The following NELL2 variants were observed in gnomAD, a reference collection of about 807,000 sequenced individuals.
NELL2 encodes the protein protein kinase C-binding protein NELL2.
NELL2 carries 41 observed loss-of-function variants against 109.6 expected under a neutral mutation model. That is an observed-to-expected ratio of 0.37 (90% CI 0.29 to 0.49). The LOEUF is 0.49. Ranked by LOEUF, NELL2 falls within the 20% of genes least tolerant of loss-of-function variation. NELL2 has a pLI of 0.98. For synonymous variants in NELL2, 355 were observed against 344.7 expected, an observed-to-expected ratio of 1.03 and a Z score of -0.33; for missense variants, 900 against 1,008.3, an observed-to-expected ratio of 0.89 and a Z score of 1.45.
intron 15 of NELL2, among the ~76,000 whole-genome samples, chr12:44,558,159 A>C (rs896200534): frequency 2.0e-5 from 3 of 152,210 alleles, no homozygotes; most frequent in African/African-American, 4.8e-5. Flanking sequence ...ATGAAACTTG[A>C]ATATGTTTAC....
chr12:44,779,310 T>A (rs1941867948), intron 5 of NELL2, among the ~76,000 whole-genome samples: 1 of 152,196 alleles, frequency 6.6e-6, no homozygotes, highest in Non-Finnish European at 1.5e-5. Flanking sequence ...GCTATTAACA[T>A]CTTTGTAAAA....
chr12:44,529,775 A>G (rs1447095500), intron 16 of NELL2, among the ~76,000 whole-genome samples: 2 of 152,192 alleles, frequency 1.3e-5, no homozygotes, highest in Non-Finnish European at 2.9e-5. Flanking sequence ...CTTGAAAGAA[A>G]AGCATTGGCT....
chr12:44,634,084 A>G (rs760563644), intron 13 of NELL2, among the ~76,000 whole-genome samples: 5 of 152,184 alleles, frequency 3.3e-5, no homozygotes, highest in Non-Finnish European at 5.9e-5. Flanking sequence ...AAGAAAATGT[A>G]CATGAAATAA....
intron 13 of NELL2, among the ~76,000 whole-genome samples, chr12:44,643,806 T>C (rs914595118): frequency 8.5e-5 from 13 of 152,192 alleles, no homozygotes; most frequent in African/African-American, 3.1e-4. Flanking sequence ...TTCGTTTTTC[T>C]GGAATGGTTC....
chr12:44,654,911 A>G (rs1204121262), intron 13 of NELL2, among the ~76,000 whole-genome samples: 3 of 152,162 alleles, frequency 2.0e-5, no homozygotes, highest in Non-Finnish European at 4.4e-5. Flanking sequence ...AGGAAGGTCA[A>G]ATTTCATCCT....
chr12:44,565,218 C>T (rs1452258), intron 15 of NELL2, among the ~76,000 whole-genome samples: 15,962 of 152,012 alleles, frequency 0.11, 2,823 homozygotes, highest in African/African-American at 0.36. Context: ...TTAGTTTTGG[C>T]CTTCAAGAGA....
chr12:44,561,569 A>G (rs980027802), intron 15 of NELL2, among the ~76,000 whole-genome samples: 1 of 152,170 alleles, frequency 6.6e-6, no homozygotes, highest in Admixed American at 6.5e-5. Context: ...CCCATTAACA[A>G]TTGCTACAAA....
chr12:44,629,004 CA>C (rs1424684871), intron 13 of NELL2, among the ~76,000 whole-genome samples: 2 of 152,086 alleles, frequency 1.3e-5, no homozygotes, highest in Non-Finnish European at 2.9e-5. Flanking sequence ...TGTATAATAT[CA>C]GGCTTTTATT....
At chr12:44,894,931 C>A (rs1220864465) in intron 1 of NELL2, among the ~76,000 whole-genome samples, 2 of 152,140 alleles carry the variant, frequency 1.3e-5, no homozygotes, top group Admixed American at 6.5e-5. Context: ...CCAAGAGTTT[C>A]TTTGGTGATT....
chr12:44,577,470 T>TTTG (rs1944142156), intron 15 of NELL2, among the ~76,000 whole-genome samples: 1 of 123,836 alleles, frequency 8.1e-6, no homozygotes, highest in African/African-American at 3.7e-5. Context: ...GAGTAGTTTT[T>TTTG]TTTTTTTTTT....
intron 12 of NELL2, among the ~76,000 whole-genome samples, chr12:44,689,304 GCTACATTTTATATAAT>G (rs1948828276): frequency 6.6e-6 from 1 of 152,132 alleles, no homozygotes; most frequent in African/African-American, 2.4e-5. Flanking sequence ...AAATGCTTTA[GCTACATTTTATATAAT>G]ACAAAGCATC....
chr12:44,650,944 C>A (rs930937925), intron 13 of NELL2, among the ~76,000 whole-genome samples: 1 of 152,186 alleles, frequency 6.6e-6, no homozygotes, highest in African/African-American at 2.4e-5. Flanking sequence ...GTTATTTAAG[C>A]CGGGGGTCCC....
intron 15 of NELL2, among the ~76,000 whole-genome samples, chr12:44,580,606 G>A (rs149026553): frequency 0.014 from 2,183 of 152,158 alleles, 41 homozygotes; most frequent in African/African-American, 0.049. Flanking sequence ...CCAGCTACTC[G>A]GGAGGCTGAG....
intron 9 of NELL2, among the ~76,000 whole-genome samples, chr12:44,735,779 T>A (rs1026377498): frequency 6.6e-6 from 1 of 152,088 alleles, no homozygotes; most frequent in African/African-American, 2.4e-5. Context: ...TTAAGAATTT[T>A]AAAAAATATT....
intron 15 of NELL2, among the ~76,000 whole-genome samples, chr12:44,600,660 A>T (rs2136238210): frequency 6.6e-6 from 1 of 152,362 alleles, no homozygotes; most frequent in South Asian, 2.1e-4. Context: ...ATTCCTATTG[A>T]CACCCAGACT....
intron 13 of NELL2, among the ~76,000 whole-genome samples, chr12:44,645,466 T>A (rs1018497499): frequency 3.3e-5 from 5 of 152,150 alleles, no homozygotes; most frequent in Non-Finnish European, 7.4e-5. Flanking sequence ...GAATATAAGT[T>A]GGGTGTCCAG....
At position 44,860,754 on chromosome 12, in the gene NELL2, C is replaced by A. The variant is rs1036099809; in HGVS notation, c.184+14471G>T. Among the ~76,000 whole-genome samples, 87 of 152,170 alleles carry A rather than the reference C, an allele frequency of 5.7e-4. 2 individuals are homozygous for A. Among genetic ancestry groups the A allele is most frequent in the Non-Finnish European group, 1.3e-4 (9 of 68,034 alleles). On this transcript the variant is annotated intron_variant, in intron 2 of 19. Coordinates refer to ENST00000429094, the MANE Select transcript of NELL2 (RefSeq NM_001145108.2). Reference sequence around the variant, plus strand: ...AACAACCTTAATTTCATTTGCAAATCTAATCTCCCCTTGCCACATAACAAT... The same window carrying A: ...AACAACCTTAATTTCATTTGCAAATATAATCTCCCCTTGCCACATAACAAT...
intron 2 of NELL2, among the ~76,000 whole-genome samples, chr12:44,856,769 A>C (rs1944696538): frequency 6.6e-6 from 1 of 152,216 alleles, no homozygotes; most frequent in South Asian, 2.1e-4. Flanking sequence ...GGGCATAATA[A>C]GAACTCTGTC....
intron 1 of NELL2, among the ~76,000 whole-genome samples, chr12:44,912,312 G>A (rs1184329654): frequency 1.3e-5 from 2 of 152,038 alleles, no homozygotes; most frequent in Non-Finnish European, 2.9e-5. Context: ...ATATTCCACA[G>A]ACTACTAGTT....
Sources: allele counts gnomAD v4.1 joint callset (sites outside exome capture counted in the v4.1 genomes callset), GRCh38; gene constraint gnomAD v4.1.1; transcripts MANE v1.5; gene names NCBI Gene and HGNC (gene_info 2026-07-23, HGNC 2026-07-21).